Variants in CCNG1 observed in about 807,000 individuals in gnomAD.
CCNG1 encodes the protein cyclin-G1.
CCNG1 carries 13 observed loss-of-function variants against 30.0 expected under a neutral mutation model. That is an observed-to-expected ratio of 0.43 (90% CI 0.28 to 0.69). The LOEUF (loss-of-function observed/expected upper bound fraction) is 0.69. CCNG1 is among the 30% of genes least tolerant of loss of function. The pLI, the probability that CCNG1 is intolerant of heterozygous loss-of-function variation, is 0.16. For synonymous variants in CCNG1, 110 were observed against 121.5 expected, an observed-to-expected ratio of 0.91 and a Z score of 0.62; for missense variants, 285 against 331.4, an observed-to-expected ratio of 0.86 and a Z score of 1.09.
the CCNG1 span, chr5:163,457,137 TTG>T: frequency 1.4e-6 from 2 of 1,470,646 alleles, no homozygotes; most frequent in South Asian, 1.3e-5. Flanking sequence ...CTTCATCAAG[TTG>T]TTTTTTTTTT....
intron 6 of CCNG1, among the ~76,000 whole-genome samples, chr5:163,443,164 T>C (rs1326806679): frequency 6.6e-6 from 1 of 151,868 alleles, no homozygotes; most frequent in Non-Finnish European, 1.5e-5. Flanking sequence ...CAAAAAAATT[T>C]AGCCAGTCGC....
At chr5:163,453,985 G>A in the CCNG1 span, 14 of 1,539,898 alleles carry the variant, frequency 9.1e-6, no homozygotes, top group Middle Eastern at 3.5e-4. Context: ...CAAGGTTTGA[G>A]AAATCTGGTC....
At chr5:163,446,700 TC>T (rs1401363091), downstream of CCNG1, 1 of 152,090 alleles carries the variant, frequency 6.6e-6, no homozygotes, top group Admixed American at 6.5e-5. Flanking sequence ...TAAACATGAG[TC>T]AAGATGAATT....
rs908093092 is a variant in CCNG1 at position 163,444,374 on chromosome 5, A to T, written c.*704A>T. 6.6e-6 allele frequency: 1 copy of T among 152,564 alleles called. No individual in the cohort carries two copies. The highest frequency in any genetic ancestry group is 1.5e-5 in the Non-Finnish European group (1 of 67,960). The allele number at this position is 152,564 out of a possible 1,614,324, so 9.5% of individuals were successfully genotyped here. On this transcript the variant is annotated 3_prime_UTR_variant, in exon 7 of 7. Transcript: ENST00000340828. ...ATTTGTATCTACGATAAAAATTTTT[A>T]TACAGAACCTACTGCCTCAAACTGA...
chr5:163,439,594 A>G (rs1757702860), intron 2 of CCNG1, 74 bp downstream of exon 2: 1 of 1,369,056 alleles, frequency 7.3e-7, no homozygotes, highest in African/African-American at 1.6e-5. Flanking sequence ...TTTGGCTGGT[A>G]TTCATAAACT....
At chr5:163,456,135 G>A in the CCNG1 span, among the ~76,000 whole-genome samples, 1 of 152,136 alleles carries the variant, frequency 6.6e-6, no homozygotes, top group African/African-American at 2.4e-5. Flanking sequence ...TGTTGAATAG[G>A]CAACCGGGTA....
At chr5:163,440,991 T>C in intron 2 of CCNG1, 87 bp from the exon 3 acceptor site, 1 of 1,352,372 alleles carries the variant, frequency 7.4e-7, no homozygotes, top group Non-Finnish European at 1.0e-6. Context: ...TTTCAAAATG[T>C]TGGGTCGGAG....
chr5:163,447,426 G>C (rs1758063212), downstream of CCNG1: 1 of 143,182 alleles, frequency 7.0e-6, no homozygotes, highest in Non-Finnish European at 1.5e-5. Flanking sequence ...GCTCCAGCCT[G>C]AGTGACAGGG....
intron 6 of CCNG1, among the ~76,000 whole-genome samples, chr5:163,443,085 G>A (rs1018133415): frequency 2.6e-5 from 4 of 152,126 alleles, no homozygotes; most frequent in Admixed American, 1.3e-4. Flanking sequence ...CAAGGCGGGC[G>A]GATCACGAGG....
chr5:163,438,291 C>G (rs1036681173), intron 1 of CCNG1, among the ~76,000 whole-genome samples: 1 of 150,970 alleles, frequency 6.6e-6, no homozygotes, highest in Non-Finnish European at 1.5e-5. Flanking sequence ...TTCCTAACAA[C>G]AATAAAAGTT....
chr5:163,439,351 G>T lies in CCNG1; in HGVS notation c.95G>T (p.Cys32Phe). ...EQESRCQPKV[C>F]GLRLIESAHD... Reference sequence around the variant, plus strand: ...GAGTCTAGATGTCAGCCAAAGGTCTGTGGTTTGAGACTAATTGAGTCTGCA... The same window carrying T: ...GAGTCTAGATGTCAGCCAAAGGTCTTTGGTTTGAGACTAATTGAGTCTGCA... Residue 32 changes from cysteine to phenylalanine, a missense_variant, in exon 2 of 7, where the codon TGT becomes TTT. By Grantham distance (205) the Cys-to-Phe change is radical. Transcript: ENST00000340828. The T allele has an allele frequency of 6.2e-7, 1 of 1,614,200 alleles. No homozygotes were observed. The highest frequency in any genetic ancestry group is 8.5e-7 in the Non-Finnish European group (1 of 1,180,028).
chr5:163,453,910 T>C, the CCNG1 span: 1 of 907,996 alleles, frequency 1.1e-6, no homozygotes, highest in East Asian at 2.7e-5. Flanking sequence ...ATAATCTGTT[T>C]ATCTGATTAA....
the CCNG1 span, chr5:163,454,142 G>T: frequency 1.8e-6 from 1 of 561,478 alleles, no homozygotes; most frequent in South Asian, 3.3e-5. Flanking sequence ...ATATATAAAT[G>T]ACCAATAAAT....
chr5:163,449,962 A>G (rs1479179156), downstream of CCNG1: 1 of 152,220 alleles, frequency 6.6e-6, no homozygotes, highest in Non-Finnish European at 1.5e-5. Flanking sequence ...TTTAGAAGAA[A>G]AAAATCCATA....
intron 6 of CCNG1, among the ~76,000 whole-genome samples, chr5:163,442,782 T>TA (rs145304923): frequency 0.011 from 1,751 of 152,334 alleles, 34 homozygotes; most frequent in African/African-American, 0.039. Flanking sequence ...CAACCTCTGA[T>TA]ACATACGTTA....
At chr5:163,447,075 G>A (rs1758054788), downstream of CCNG1, 1 of 152,134 alleles carries the variant, frequency 6.6e-6, no homozygotes, top group African/African-American at 2.4e-5. Context: ...AATTGCCAAG[G>A]ATAATTAGGG....
chr5:163,443,748 A>G lies in CCNG1; in HGVS notation c.*78A>G, dbSNP rs1197510445. 2.0e-6 allele frequency: 3 copies of G among 1,515,970 alleles called. No individual in the cohort carries two copies. Among genetic ancestry groups the G allele is most frequent in the Non-Finnish European group, 2.7e-6 (3 of 1,131,808 alleles). The allele number at this position is 1,515,970 out of a possible 1,614,324, so 93.9% of individuals were successfully genotyped here. On this transcript the variant is annotated 3_prime_UTR_variant, in exon 7 of 7. Transcript: ENST00000340828. Reference sequence around the variant, plus strand: ...GTTCTATGGATTCCATAATGTTACAATGGATTTAAGCTATGAAGCCTCAAA... The same window carrying G: ...GTTCTATGGATTCCATAATGTTACAGTGGATTTAAGCTATGAAGCCTCAAA...
downstream of CCNG1, chr5:163,449,003 A>C (rs975778957): frequency 1.3e-5 from 2 of 152,248 alleles, no homozygotes; most frequent in Non-Finnish European, 2.9e-5. Context: ...CATAATGGTC[A>C]AAAACAATGC....
At position 163,443,759 on chromosome 5, in the gene CCNG1, C is replaced by T. The variant is rs1730784978; in HGVS notation, c.*89C>T. The T allele has an allele frequency of 6.8e-7, 1 of 1,461,694 alleles. No individual in the cohort carries two copies. The highest frequency in any genetic ancestry group is 1.4e-5 in the African/African-American group (1 of 71,114). The allele number at this position is 1,461,694 out of a possible 1,614,324, so 90.5% of individuals were successfully genotyped here. A position where few individuals can be genotyped will look rare whatever the true frequency, so the allele number is the denominator to read the frequency against. On this transcript the variant is annotated 3_prime_UTR_variant, in exon 7 of 7. Coordinates refer to ENST00000340828, the MANE Select transcript of CCNG1 (RefSeq NM_004060.4). ...TCCATAATGTTACAATGGATTTAAG[C>T]TATGAAGCCTCAAAACATCACGAGA...
Sources: gnomAD v4.1 joint callset for allele counts (sites outside exome capture counted in the v4.1 genomes callset) on GRCh38, gnomAD v4.1.1 for gene constraint, MANE v1.5 for transcripts, NCBI Gene and HGNC (gene_info 2026-07-23, HGNC 2026-07-21) for gene names.